Variants in KYNU observed in about 807,000 individuals in gnomAD.
KYNU encodes L-kynurenine hydrolase.
In KYNU, 54 loss-of-function variants were observed where a neutral mutation model predicts 59.2. That is an observed-to-expected ratio of 0.91 (90% confidence interval 0.73 to 1.14). KYNU has a LOEUF of 1.14. Among genes scored for constraint, KYNU ranks in the 50% most tolerant of loss-of-function variants. KYNU has a pLI of 0.00. For missense variants in KYNU, 567 were observed against 554.4 expected, an observed-to-expected ratio of 1.02 and a Z score of -0.23; for synonymous variants, 177 against 192.0, an observed-to-expected ratio of 0.92 and a Z score of 0.65.
At chr2:142,950,917 T>C (rs901806379) in intron 4 of KYNU, among the ~76,000 whole-genome samples, 1 of 152,148 alleles carries the variant, frequency 6.6e-6, no homozygotes, top group Admixed American at 6.5e-5. Context: ...TGTAGGGTTA[T>C]TGATTGGCTT....
intron 2 of KYNU, among the ~76,000 whole-genome samples, chr2:142,887,763 A>C (rs1482489868): frequency 6.6e-6 from 1 of 152,214 alleles, no homozygotes; most frequent in East Asian, 1.9e-4. Context: ...TTGGAGAGGG[A>C]GAAATGAGGA....
Position 143,048,064 on chromosome 2 carries a change from C to G in KYNU, c.*5892C>G, listed in dbSNP as rs183265628. On this transcript the variant is annotated 3_prime_UTR_variant, in exon 14 of 14. Coordinates refer to ENST00000264170, the MANE Select transcript of KYNU (RefSeq NM_003937.3). ...TTCACCATGTTGGCTAGGCTGGTAT[C>G]AAACTCCTGACTTCAGGTGATCCGC... The G allele has an allele frequency of 2.0e-5, 3 of 152,178 alleles. No individual in the cohort carries two copies. The highest frequency in any genetic ancestry group is 2.0e-4 in the Admixed American group (3 of 15,274). 9.4% of individuals were successfully genotyped at this position (152,178 alleles called of 1,614,324 possible).
At chr2:142,943,844 T>TACATTA (rs1683687263) in intron 4 of KYNU, among the ~76,000 whole-genome samples, 1 of 152,212 alleles carries the variant, frequency 6.6e-6, no homozygotes. Context: ...GTAAAGTTCT[T>TACATTA]GGACTTAGCC....
intron 10 of KYNU, among the ~76,000 whole-genome samples, chr2:142,986,531 G>A (rs1573872766): frequency 6.6e-6 from 1 of 151,804 alleles, no homozygotes; most frequent in Non-Finnish European, 1.5e-5. Context: ...GCTGAACACT[G>A]AACAACAGAC....
At chr2:142,894,816 CT>C (rs1030501794) in intron 2 of KYNU, among the ~76,000 whole-genome samples, 4 of 152,094 alleles carry the variant, frequency 2.6e-5, no homozygotes, top group Non-Finnish European at 5.9e-5. Flanking sequence ...GCTAAAACTG[CT>C]TCTTTTTGTC....
chr2:143,054,328 A>G lies in KYNU; in HGVS notation c.*12156A>G, dbSNP rs1274832828. On this transcript the variant is annotated 3_prime_UTR_variant, in exon 14 of 14. Transcript: ENST00000264170. The stretch of plus-strand genomic sequence containing the variant: ...AATTCACAATTCTCTCTTTTCTCAT[A>G]TATAATATAGAGCATATTATAAATA... 6.6e-6 allele frequency: 1 copy of G among 152,092 alleles called. No homozygotes were observed. Among genetic ancestry groups the G allele is most frequent in the African/African-American group, 2.4e-5 (1 of 41,424 alleles). The allele number at this position is 152,092 out of a possible 1,614,324, so 9.4% of individuals were successfully genotyped here.
At chr2:143,019,874 C>T (rs751272375) in intron 10 of KYNU, among the ~76,000 whole-genome samples, 1 of 151,916 alleles carries the variant, frequency 6.6e-6, no homozygotes, top group Non-Finnish European at 1.5e-5. Context: ...TCATGTGCAT[C>T]CAGGAATTTA....
intron 10 of KYNU, among the ~76,000 whole-genome samples, chr2:142,991,638 C>T (rs766758940): frequency 3.8e-4 from 58 of 151,916 alleles, no homozygotes; most frequent in Non-Finnish European, 5.7e-4. Context: ...TCTGTGGTAC[C>T]GTTTTCTTTT....
At chr2:142,902,927 G>A (rs1484877396) in intron 2 of KYNU, among the ~76,000 whole-genome samples, 1 of 152,188 alleles carries the variant, frequency 6.6e-6, no homozygotes, top group Admixed American at 6.5e-5. Context: ...TTGAGAATCA[G>A]AATGTACAGG....
intron 2 of KYNU, among the ~76,000 whole-genome samples, chr2:142,908,447 T>C (rs1379655658): frequency 6.6e-6 from 1 of 152,002 alleles, no homozygotes; most frequent in Non-Finnish European, 1.5e-5. Context: ...ATGGGTAAAT[T>C]AAATGCCAGG....
At chr2:142,965,874 C>T (rs1187163039) in intron 8 of KYNU, among the ~76,000 whole-genome samples, 2 of 152,126 alleles carry the variant, frequency 1.3e-5, no homozygotes, top group East Asian at 3.9e-4. Flanking sequence ...GTTCCTAACC[C>T]ATTTTCCTCT....
intron 10 of KYNU, among the ~76,000 whole-genome samples, chr2:143,019,640 T>C (rs1686353483): frequency 6.6e-6 from 1 of 152,152 alleles, no homozygotes; most frequent in Non-Finnish European, 1.5e-5. Context: ...TGTCCTTGTC[T>C]GCTATTGGTA....
intron 2 of KYNU, among the ~76,000 whole-genome samples, chr2:142,899,390 TG>T (rs1681994403): frequency 6.6e-6 from 1 of 152,162 alleles, no homozygotes; most frequent in Non-Finnish European, 1.5e-5. Flanking sequence ...AGGTGTGAGC[TG>T]AGTTACCAGC....
intron 2 of KYNU, among the ~76,000 whole-genome samples, chr2:142,904,952 G>A (rs180755962): frequency 1.8e-4 from 28 of 152,286 alleles, no homozygotes; most frequent in South Asian, 6.2e-4. Context: ...GTGCTCAGGG[G>A]TGAGTCCTAG....
At chr2:143,021,160 C>G (rs1173667379) in intron 10 of KYNU, among the ~76,000 whole-genome samples, 1 of 151,938 alleles carries the variant, frequency 6.6e-6, no homozygotes, top group Non-Finnish European at 1.5e-5. Context: ...TCTATATGTA[C>G]TCTTGTACTA....
chr2:143,011,205 C>G (rs1349049317), intron 10 of KYNU, among the ~76,000 whole-genome samples: 9 of 140,802 alleles, frequency 6.4e-5, no homozygotes, highest in Admixed American at 5.6e-4. Flanking sequence ...TGAACTCAAA[C>G]AAATTTACAA....
intron 10 of KYNU, 62 bp from the exon 11 acceptor site, chr2:143,029,565 A>C (rs1686685219): frequency 3.0e-6 from 3 of 1,005,316 alleles, no homozygotes; most frequent in African/African-American, 1.6e-5. Flanking sequence ...CAGCCTAGGC[A>C]GCAGAGCAAG....
chr2:142,964,813 T>G (rs1276858176), intron 8 of KYNU: 1 of 152,196 alleles, frequency 6.6e-6, no homozygotes, highest in Non-Finnish European at 1.5e-5. Flanking sequence ...AGGCCTGAGA[T>G]TGTAGCAAGT....
chr2:142,927,588 G>C, intron 3 of KYNU, 71 bp from the exon 4 acceptor site: 1 of 1,114,120 alleles, frequency 9.0e-7, no homozygotes, highest in Non-Finnish European at 1.4e-6. Context: ...ATTTGCTAAA[G>C]CTGATATTTG....
Sources: gnomAD v4.1 joint callset for allele counts (sites outside exome capture counted in the v4.1 genomes callset) on GRCh38, gnomAD v4.1.1 for gene constraint, MANE v1.5 for transcripts, NCBI Gene and HGNC (gene_info 2026-07-23, HGNC 2026-07-21) for gene names.